Variants in COL21A1 observed in about 807,000 individuals in gnomAD.
The protein encoded by COL21A1 is collagen alpha-1(XXI) chain.
In COL21A1, 149 loss-of-function variants were observed where a neutral mutation model predicts 137.9. The ratio of observed to expected loss-of-function variants is 1.08; its 90% CI spans 0.95 to 1.24. The LOEUF is 1.24. Among genes scored for constraint, COL21A1 ranks in the 50% most tolerant of loss-of-function variants. COL21A1 has a pLI of 0.00. For missense variants in COL21A1, 1,167 were observed against 1,158.4 expected, an observed-to-expected ratio of 1.01 and a Z score of -0.11; for synonymous variants, 456 against 391.5, an observed-to-expected ratio of 1.16 and a Z score of -1.95.
intron 1 of COL21A1, among the ~76,000 whole-genome samples, chr6:56,234,885 C>CA (rs1306969096): frequency 6.8e-6 from 1 of 146,788 alleles, no homozygotes; most frequent in Non-Finnish European, 1.5e-5. Context: ...TATTCTTAGC[C>CA]AACTGATCAC....
At chr6:56,185,563 G>A (rs967646278) in intron 1 of COL21A1, among the ~76,000 whole-genome samples, 70 of 149,178 alleles carry the variant, frequency 4.7e-4, no homozygotes, top group African/African-American at 1.6e-3. Flanking sequence ...AGCCTCCCGA[G>A]TAGCTGGGAC....
chr6:56,385,923 G>T lies in COL21A1; in HGVS notation c.-39+8048C>A, dbSNP rs1393752318. Among the ~76,000 whole-genome samples, 3 of 150,182 alleles carry T rather than the reference G, an allele frequency of 2.0e-5. No homozygotes were observed. In the East Asian group the frequency reaches 5.8e-4, roughly 29 times the overall value. ...ATTCCTTTTTTTTTTTTTTGAAATG[G>T]AATTTCGCTCTTGTCACCTAGGCTG... On this transcript the variant is annotated intron_variant, in intron 1 of 28. Transcript: ENST00000370819.
rs375459326 is a variant in COL21A1, at chr6:56,066,232, T to C, written c.2127+1063A>G. ...TCCTATATCATAGTACTTGAAGATT[T>C]TCGATAAAAATTGTCTAAAAAACAA... On this transcript the variant is annotated intron_variant, in intron 23 of 29. Transcript: ENST00000244728. 1.2e-3 allele frequency among the ~76,000 whole-genome samples: 185 copies of C among 152,088 alleles called. 1 individual carries two copies. The highest frequency in any genetic ancestry group is 4.2e-3 in the African/African-American group (173 of 41,548).
At chr6:56,061,912 A>G (rs1021883374) in intron 24 of COL21A1, among the ~76,000 whole-genome samples, 3 of 152,148 alleles carry the variant, frequency 2.0e-5, no homozygotes, top group Non-Finnish European at 4.4e-5. Context: ...TTTCCTTCTT[A>G]GATATGAATA....
At chr6:56,063,030 G>A (rs1324024434) in intron 24 of COL21A1, among the ~76,000 whole-genome samples, 1 of 152,138 alleles carries the variant, frequency 6.6e-6, no homozygotes, top group Non-Finnish European at 1.5e-5. Flanking sequence ...GTGTTTACAT[G>A]AAGAGTTTGG....
chr6:56,084,175 G>T (rs1768021525), intron 17 of COL21A1, among the ~76,000 whole-genome samples: 1 of 151,260 alleles, frequency 6.6e-6, no homozygotes, highest in African/African-American at 2.4e-5. Flanking sequence ...CACTTATAGG[G>T]ATATATCCCT....
chr6:56,153,986 A>G (rs1224878618), intron 10 of COL21A1, among the ~76,000 whole-genome samples: 1 of 152,162 alleles, frequency 6.6e-6, no homozygotes, highest in East Asian at 1.9e-4. Flanking sequence ...CTGTCCAAAA[A>G]TATAGTCCCA....
intron 1 of COL21A1, among the ~76,000 whole-genome samples, chr6:56,283,358 C>T (rs576062540): frequency 1.1e-3 from 161 of 151,800 alleles, no homozygotes; most frequent in African/African-American, 3.8e-3. Context: ...GAAAAAAAAT[C>T]TCATCATAAA....
At chr6:56,173,672 T>C (rs1777233231) in intron 3 of COL21A1, among the ~76,000 whole-genome samples, 1 of 152,144 alleles carries the variant, frequency 6.6e-6, no homozygotes, top group South Asian at 2.1e-4. Context: ...ATTATGATTA[T>C]ATATGCAGCC....
chr6:56,129,056 A>G (rs1773282439), intron 12 of COL21A1, among the ~76,000 whole-genome samples: 1 of 152,194 alleles, frequency 6.6e-6, no homozygotes, highest in South Asian at 2.1e-4. Flanking sequence ...TGTTTCTGCT[A>G]CGGTGGAGGA....
At chr6:56,298,481 C>T (rs1004581575) in intron 1 of COL21A1, among the ~76,000 whole-genome samples, 7 of 151,900 alleles carry the variant, frequency 4.6e-5, no homozygotes, top group Admixed American at 1.3e-4. Flanking sequence ...AGTTTGTTGT[C>T]TCTGTAACCT....
At chr6:56,226,264 G>C (rs1423850074) in intron 1 of COL21A1, among the ~76,000 whole-genome samples, 2 of 151,898 alleles carry the variant, frequency 1.3e-5, no homozygotes, top group Admixed American at 1.3e-4. Context: ...TCTTCACCTG[G>C]AAATATAGGA....
intron 1 of COL21A1, among the ~76,000 whole-genome samples, chr6:56,320,930 C>A (rs115858120): frequency 2.6e-5 from 4 of 152,122 alleles, no homozygotes; most frequent in Middle Eastern, 3.4e-3. Context: ...CTTTTGTCTG[C>A]TTTACTTACT....
chr6:56,057,529 G>GA lies in COL21A1; in HGVS notation c.*127dup, dbSNP rs1008651786. 8,596 of 744,674 alleles carry GA rather than the reference G, an allele frequency of 0.012. No homozygotes were observed. Among genetic ancestry groups the GA allele is most frequent in the Middle Eastern group, 0.016 (38 of 2,446 alleles). 46.1% of individuals were successfully genotyped at this position (744,674 alleles called of 1,614,324 possible). A position where few individuals can be genotyped will look rare whatever the true frequency, so the allele number is the denominator to read the frequency against. ...TGATCTTTTATATTTTTTTCCATAAGAAAAAAAAAATAAAAACACCGAGGT... is the reference window on the plus strand; with the variant it reads ...TGATCTTTTATATTTTTTTCCATAAGAAAAAAAAAAATAAAAACACCGAGGT... On this transcript the variant is annotated 3_prime_UTR_variant, in exon 30 of 30. Transcript: ENST00000244728.
intron 1 of COL21A1, among the ~76,000 whole-genome samples, chr6:56,267,928 A>G (rs935342400): frequency 2.0e-5 from 3 of 152,080 alleles, no homozygotes; most frequent in African/African-American, 4.8e-5. Flanking sequence ...CAGACCTGAG[A>G]GCACAGCCTC....
intron 1 of COL21A1, among the ~76,000 whole-genome samples, chr6:56,297,201 G>A (rs1051033785): frequency 2.0e-5 from 3 of 152,046 alleles, no homozygotes; most frequent in Non-Finnish European, 4.4e-5. Flanking sequence ...CACAGATTAA[G>A]TTGCCATGCG....
intron 1 of COL21A1, among the ~76,000 whole-genome samples, chr6:56,354,438 C>CA (rs1445853038): frequency 6.6e-6 from 1 of 151,796 alleles, no homozygotes; most frequent in Non-Finnish European, 1.5e-5. Context: ...AAACTAATGA[C>CA]AAAAAGAGTA....
chr6:56,285,538 T>C (rs975124091), intron 1 of COL21A1, among the ~76,000 whole-genome samples: 1 of 152,158 alleles, frequency 6.6e-6, no homozygotes, highest in African/African-American at 2.4e-5. Context: ...AAATATACTT[T>C]AAAGGGGTTC....
chr6:56,199,215 G>A (rs1042995582), intron 1 of COL21A1, among the ~76,000 whole-genome samples: 3 of 151,998 alleles, frequency 2.0e-5, no homozygotes, highest in Non-Finnish European at 4.4e-5. Flanking sequence ...AAAGTCCTTG[G>A]TTACTTGCCT....
Sources: gnomAD v4.1 joint callset for allele counts (sites outside exome capture counted in the v4.1 genomes callset) on GRCh38, gnomAD v4.1.1 for gene constraint, MANE v1.5 for transcripts, NCBI Gene and HGNC (gene_info 2026-07-23, HGNC 2026-07-21) for gene names.